Variants in MAD2L2 observed in about 807,000 individuals in gnomAD.
MAD2L2 encodes the protein mitotic arrest deficient 2 like 2.
Under a neutral mutation model 30.5 loss-of-function variants are expected in MAD2L2, and 17 were observed. The observed-to-expected ratio is 0.56, with a 90% CI of 0.38 to 0.84. The LOEUF (loss-of-function observed/expected upper bound fraction) is 0.84, where lower values mean the gene tolerates loss of function less well. Ranked by LOEUF, MAD2L2 falls within the 40% of genes least tolerant of loss-of-function variation. MAD2L2 has a pLI of 0.00. For missense variants in MAD2L2, 213 were observed against 277.4 expected, an observed-to-expected ratio of 0.77 and a Z score of 1.65; for synonymous variants, 101 against 113.9, an observed-to-expected ratio of 0.89 and a Z score of 0.72.
chr1:11,677,453 G>C, intron 4 of MAD2L2, 90 bp downstream of exon 4: 1 of 1,279,286 alleles, frequency 7.8e-7, no homozygotes, highest in South Asian at 1.2e-5. Flanking sequence ...CAGAGTCCTA[G>C]CTTCACCCCA....
chr1:11,677,494 C>T (rs2233018), intron 4 of MAD2L2, 49 bp downstream of exon 4: 124,148 of 1,552,896 alleles, frequency 0.08, 5,634 homozygotes, highest in African/African-American at 0.14. Flanking sequence ...CACACAGGGA[C>T]GGGGGTGAGC....
At chr1:11,675,563 T>C in intron 7 of MAD2L2, 95 bp downstream of exon 7, 1 of 1,213,378 alleles carries the variant, frequency 8.2e-7, no homozygotes, top group Non-Finnish European at 1.2e-6. Flanking sequence ...ACCAATGTAA[T>C]GGGTGGCTGG....
intron 4 of MAD2L2, 42 bp downstream of exon 4, chr1:11,677,501 G>A (rs750193048): frequency 6.3e-7 from 1 of 1,584,372 alleles, no homozygotes; most frequent in South Asian, 1.1e-5. Context: ...GGACGGGGGT[G>A]AGCATGGGGT....
intron 3 of MAD2L2, among the ~76,000 whole-genome samples, chr1:11,679,133 C>T (rs1367472442): frequency 6.6e-6 from 1 of 152,154 alleles, no homozygotes; most frequent in Admixed American, 6.5e-5. Flanking sequence ...CACTGCACTC[C>T]AGCCAGGGCG....
At chr1:11,684,353 C>T (rs1640925657), upstream of MAD2L2, among the ~76,000 whole-genome samples, 1 of 152,152 alleles carries the variant, frequency 6.6e-6, no homozygotes, top group Non-Finnish European at 1.5e-5. Flanking sequence ...CATCCGTCTG[C>T]TGGGAGACTG....
At chr1:11,678,515 C>T (rs1416997486) in intron 3 of MAD2L2, among the ~76,000 whole-genome samples, 1 of 152,182 alleles carries the variant, frequency 6.6e-6, no homozygotes, top group East Asian at 1.9e-4. Context: ...TGAAAAATCC[C>T]TAAAGTTGTA....
intron 3 of MAD2L2, 100 bp from the exon 4 acceptor site, chr1:11,677,714 G>C: frequency 1.1e-6 from 1 of 935,282 alleles, no homozygotes; most frequent in Non-Finnish European, 1.7e-6. Flanking sequence ...TCGGTCCGAG[G>C]CCCAGCAGCT....
intron 3 of MAD2L2, 63 bp from the exon 4 acceptor site, chr1:11,677,677 A>G (rs539277831): frequency 3.6e-6 from 5 of 1,399,060 alleles, no homozygotes; most frequent in African/African-American, 1.4e-5. Context: ...ACCCAACACA[A>G]CCAGGAGCCT....
chr1:11,679,025 G>T (rs551684246), intron 3 of MAD2L2, among the ~76,000 whole-genome samples: 7 of 152,168 alleles, frequency 4.6e-5, no homozygotes, highest in African/African-American at 1.7e-4. Flanking sequence ...TTAGCCAGAT[G>T]TGGTGGCACA....
intron 4 of MAD2L2, 166 bp from the exon 5 acceptor site, chr1:11,677,114 C>T (rs1640783501): frequency 4.5e-6 from 3 of 660,434 alleles, no homozygotes; most frequent in East Asian, 2.7e-5. Context: ...TTTGAGAAGC[C>T]GGCACCCTCC....
Position 11,674,780 on chromosome 1 carries a change from T to C in MAD2L2, c.631A>G (p.Ser211Gly). Residue 211 changes from serine (S) to glycine (G), a missense_variant, in exon 9 of 9, where the codon AGC (serine) becomes GGC (glycine). Transcript: ENST00000376692. This position sits in a 1 kb window ranked among gnomAD's most constrained non-coding sequence, Gnocchi z 6.1. ...LYVEERAHKG[S>G] is the part of the protein sequence containing the mutation. ...GTGGGGTGGCAGGTGCCCCCTCAGC[T>C]GCCTTTATGAGCGCGCTCTTCCACG... The C allele has an allele frequency of 1.2e-6, 2 of 1,613,700 alleles. No homozygotes were observed. The highest frequency in any genetic ancestry group is 1.7e-6 in the Non-Finnish European group (2 of 1,179,968).
In MAD2L2 at chr1:11,688,439, T is replaced by C. The variant is rs11803352; in HGVS notation, c.-692+2974A>G. 0.028 allele frequency among the ~76,000 whole-genome samples: 4,183 copies of C among 152,096 alleles called. 189 individuals are homozygous for C. Among genetic ancestry groups the C allele is most frequent in the African/African-American group, 0.094 (3,898 of 41,484 alleles). On this transcript the variant is annotated intron_variant, in intron 1 of 10. Coordinates refer to the MAD2L2 transcript ENST00000235310. This position sits in a 1 kb window ranked among gnomAD's most constrained non-coding sequence, Gnocchi z 4.6. Reference sequence around the variant, plus strand: ...AGCCAGGCATGGTGGCAGGTGCCTGTAGTCACAGCTACTCAGGAAGCTGAG... The same window carrying C: ...AGCCAGGCATGGTGGCAGGTGCCTGCAGTCACAGCTACTCAGGAAGCTGAG...
intron 5 of MAD2L2, 118 bp from the exon 6 acceptor site, chr1:11,676,258 T>C: frequency 3.1e-6 from 2 of 635,648 alleles, no homozygotes; most frequent in South Asian, 3.9e-5. Context: ...GAGTGCTGCA[T>C]GCCTAGGACC....
upstream of MAD2L2, chr1:11,681,449 A>C (rs2233011): frequency 0.19 from 28,376 of 152,104 alleles, 2,762 homozygotes; most frequent in South Asian, 0.22. Context: ...CTGGGGAGGG[A>C]CGGGGGAGCG....
Position 11,680,526 on chromosome 1 carries a change from C to G in MAD2L2, c.40+36G>C, listed in dbSNP as rs1640855414. ...TCGAGGAAGCCCGCCGGCCCAGACG[C>G]CCCCGCCCCCGGGCCCGCAGGTCCA... On this transcript the variant is annotated intron_variant, in intron 2 of 8. Coordinates refer to ENST00000376692, the MANE Select transcript of MAD2L2 (RefSeq NM_006341.4). 1.9e-6 allele frequency: 3 copies of G among 1,609,792 alleles called. No homozygotes were observed. The South Asian group carries it at 3.3e-5, about 18-fold the overall frequency.
intron 7 of MAD2L2, among the ~76,000 whole-genome samples, 162 bp downstream of exon 7, chr1:11,675,494 AGT>A (rs1640746939): frequency 6.6e-6 from 1 of 152,206 alleles, no homozygotes; most frequent in Non-Finnish European, 1.5e-5. Flanking sequence ...CACTGCCCCA[AGT>A]GCCCAGATGG....
At position 11,674,736 on chromosome 1, in the gene MAD2L2, T is replaced by C; in HGVS notation, c.*39A>G. On this transcript the variant is annotated 3_prime_UTR_variant, in exon 9 of 9. Transcript: ENST00000376692. This position sits in a 1 kb window ranked among gnomAD's most constrained non-coding sequence, Gnocchi z 6.1. ...TGCCCTAGGCGGGGATCCCCCAAAG[T>C]CTGACAGTTTGGGCATCAGTGGGGT... The C allele has an allele frequency of 6.2e-7, 1 of 1,610,086 alleles. No individual in the cohort carries two copies. The highest frequency in any genetic ancestry group is 8.5e-7 in the Non-Finnish European group (1 of 1,177,112).
In MAD2L2 at chr1:11,674,723, G is replaced by A; in HGVS notation, c.*52C>T. ...AGCCATGCAGCACTGCCCTAGGCGG[G>A]GATCCCCCAAAGTCTGACAGTTTGG... On this transcript the variant is annotated 3_prime_UTR_variant, in exon 9 of 9. Transcript: ENST00000376692. This position sits in a 1 kb window ranked among gnomAD's most constrained non-coding sequence, Gnocchi z 6.1. The A allele has an allele frequency of 1.3e-6, 2 of 1,592,926 alleles. No homozygotes were observed.
chr1:11,689,053 T>A (rs1304908325), intron 1 of MAD2L2, among the ~76,000 whole-genome samples: 1 of 152,096 alleles, frequency 6.6e-6, no homozygotes. Context: ...CCTAGCACTT[T>A]GGGAGGCCAA....
Sources: gnomAD v4.1 joint callset for allele counts (sites outside exome capture counted in the v4.1 genomes callset) on GRCh38, gnomAD v4.1.1 for gene constraint, Gnocchi (gnomAD v3.1) non-coding constraint, MANE v1.5 for transcripts, NCBI Gene and HGNC (gene_info 2026-07-23, HGNC 2026-07-21) for gene names.